The following TMCC3 variants were observed in gnomAD, a reference collection of about 807,000 sequenced individuals.
TMCC3 encodes transmembrane and coiled-coil domain family 3, also known as transmembrane and coiled-coil domain protein 3.
In TMCC3, 28 loss-of-function variants were observed where a neutral mutation model predicts 40.2. The observed-to-expected ratio is 0.70, with a 90% CI of 0.52 to 0.95. The LOEUF (loss-of-function observed/expected upper bound fraction) is 0.95, where lower values mean the gene tolerates loss of function less well. Ranked by LOEUF, TMCC3 falls within the 40% of genes least tolerant of loss-of-function variation. TMCC3 has a pLI of 0.00. For missense variants in TMCC3, 554 were observed against 615.2 expected (o/e 0.90, Z 1.05); for synonymous variants, 255 against 248.5 (o/e 1.03, Z -0.25).
intron 1 of TMCC3, among the ~76,000 whole-genome samples, chr12:94,586,920 T>C (rs1405206646): frequency 6.6e-6 from 1 of 152,230 alleles, no homozygotes; most frequent in Non-Finnish European, 1.5e-5. Context: ...CAGTTAAAAA[T>C]GTTTGATGAG....
In TMCC3 at chr12:94,611,559, T is replaced by C. The variant is rs34329105; in HGVS notation, c.79-29021A>G. Among the ~76,000 whole-genome samples, 49 of 152,266 alleles carry C rather than the reference T, an allele frequency of 3.2e-4. 1 individual carries two copies. The highest frequency in any genetic ancestry group is 5.9e-4 in the Non-Finnish European group (40 of 68,004). On this transcript the variant is annotated intron_variant, in intron 1 of 3. Coordinates refer to ENST00000261226, the MANE Select transcript of TMCC3 (RefSeq NM_020698.4). ...GTGTATGATAGGCGTATATATACAG[T>C]TGTCCCTTGGAATCCATGGGGGATT...
At chr12:94,605,162 C>T (rs1389491868) in intron 1 of TMCC3, among the ~76,000 whole-genome samples, 3 of 152,152 alleles carry the variant, frequency 2.0e-5, no homozygotes, top group African/African-American at 7.2e-5. Flanking sequence ...GCAAACCATG[C>T]TAGGCTAGAC....
rs1491110449 is a variant in TMCC3 at position 94,599,566 on chromosome 12, CCG to C, written c.79-17030_79-17029del. Among the ~76,000 whole-genome samples the C allele has an allele frequency of 4.3e-3, 622 of 144,274 alleles. 12 individuals carry two copies. Among genetic ancestry groups the C allele is most frequent in the African/African-American group, 0.015 (594 of 39,296 alleles). The allele number at this position is 144,274 out of a possible 152,430, so 94.6% of individuals were successfully genotyped here. A position where few individuals can be genotyped will look rare whatever the true frequency, so the allele number is the denominator to read the frequency against. ...TAATTTTTAAAAGATACCCCCCCCC[CCG>C]CCCACACACACACACAAGCCTAAGA... On this transcript the variant is annotated intron_variant, in intron 1 of 3. Coordinates refer to ENST00000261226, the MANE Select transcript of TMCC3 (RefSeq NM_020698.4).
chr12:94,615,910 T>C, intron 1 of TMCC3: 1 of 985,266 alleles, frequency 1.0e-6, no homozygotes, highest in East Asian at 1.1e-4. Flanking sequence ...GGAAGAGTTG[T>C]GAAGAGACTT....
At chr12:94,585,143 C>T (rs894285592) in intron 1 of TMCC3, among the ~76,000 whole-genome samples, 4 of 152,132 alleles carry the variant, frequency 2.6e-5, no homozygotes, top group Non-Finnish European at 4.4e-5. Context: ...CTTCCTTTGG[C>T]TTCCTAATGG....
chr12:94,592,515 G>A (rs924228641), intron 1 of TMCC3, among the ~76,000 whole-genome samples: 3 of 150,686 alleles, frequency 2.0e-5, no homozygotes, highest in Non-Finnish European at 4.4e-5. Context: ...GTGGTGGCAG[G>A]TGCCTGTAAT....
Position 94,581,635 on chromosome 12 carries a change from C to T in TMCC3, c.982G>A (p.Glu328Lys). Residue 328 changes from glutamate (E) to lysine (K), a missense_variant, in exon 2 of 4, where the codon GAG becomes AAG. Physicochemically the swap from Glu to Lys is moderately conservative, Grantham distance 56. Coordinates refer to ENST00000261226, the MANE Select transcript of TMCC3 (RefSeq NM_020698.4). ...EYGFISQTLQ[E>K]ERYRYERLED... is the part of the protein sequence containing the mutation. ...ACTTTGAAATACCTGTATCTTTCCT[C>T]TTGCAGGGTCTGAGAAATAAAACCA... 1.3e-6 allele frequency: 2 copies of T among 1,558,464 alleles called. No individual in the cohort carries two copies. The highest frequency in any genetic ancestry group is 1.7e-6 in the Non-Finnish European group (2 of 1,146,102).
At chr12:94,629,300 C>G (rs1194288465) in intron 1 of TMCC3, among the ~76,000 whole-genome samples, 2 of 152,154 alleles carry the variant, frequency 1.3e-5, no homozygotes, top group African/African-American at 2.4e-5. Flanking sequence ...GAAGGCTTAA[C>G]AGCCAACACC....
At position 94,569,962 on chromosome 12, in the gene TMCC3, A is replaced by ATCCTTTAAATCCATC. The variant is rs2068517170; in HGVS notation, c.*1472_*1473insGATGGATTTAAAGGA. The ATCCTTTAAATCCATC allele has an allele frequency of 1.3e-5, 2 of 152,214 alleles. No homozygotes were observed. Among genetic ancestry groups the ATCCTTTAAATCCATC allele is most frequent in the African/African-American group, 4.8e-5 (2 of 41,442 alleles). 9.4% of individuals were successfully genotyped at this position (152,214 alleles called of 1,614,324 possible). On this transcript the variant is annotated 3_prime_UTR_variant, in exon 4 of 4. Coordinates refer to ENST00000261226, the MANE Select transcript of TMCC3 (RefSeq NM_020698.4). Reference sequence around the variant, plus strand: ...CTTCCTCTTTGTTATACACACAGAGACACAGATTTAAAGGAAAGTATCATC... The same window carrying ATCCTTTAAATCCATC: ...CTTCCTCTTTGTTATACACACAGAGATCCTTTAAATCCATCCACAGATTTAAAGGAAAGTATCATC...
intron 1 of TMCC3, among the ~76,000 whole-genome samples, chr12:94,624,864 G>T (rs1001152400): frequency 2.0e-5 from 3 of 152,086 alleles, no homozygotes; most frequent in South Asian, 2.1e-4. Context: ...AAATGGGCCA[G>T]GTGCGGTGGC....
chr12:94,640,467 A>G lies in TMCC3; in HGVS notation c.78+9886T>C, dbSNP rs1047610114. On this transcript the variant is annotated intron_variant, in intron 1 of 3. Coordinates refer to ENST00000261226, the MANE Select transcript of TMCC3 (RefSeq NM_020698.4). Reference sequence around the variant, plus strand: ...CCACAGTGCTGGGAATACAGGCGTGAGCCACCACACCCAGTGCTAATCTAC... The same window carrying G: ...CCACAGTGCTGGGAATACAGGCGTGGGCCACCACACCCAGTGCTAATCTAC... 3.3e-5 allele frequency among the ~76,000 whole-genome samples: 5 copies of G among 152,360 alleles called. No individual in the cohort carries two copies. The South Asian group carries it at 1.0e-3, about 32-fold the overall frequency.
chr12:94,573,293 G>A (rs1406175558), intron 3 of TMCC3, among the ~76,000 whole-genome samples: 1 of 152,068 alleles, frequency 6.6e-6, no homozygotes, highest in African/African-American at 2.4e-5. Context: ...TCTCCACCCG[G>A]TCAGCACCCC....
rs143661864 is a variant in TMCC3, at chr12:94,615,672, C to T, written c.79-33134G>A. ...TTGTCCATCTGTTAAATCACTCACA[C>T]TGGACTGACATTTTTAAAAGGACAT... On this transcript the variant is annotated intron_variant, in intron 1 of 3. Coordinates refer to ENST00000261226, the MANE Select transcript of TMCC3 (RefSeq NM_020698.4). Among the ~76,000 whole-genome samples the T allele has an allele frequency of 3.2e-4, 48 of 152,350 alleles. No individual in the cohort carries two copies. The East Asian group carries it at 6.2e-3, about 20-fold the overall frequency.
In TMCC3 at chr12:94,571,442, G is replaced by C; in HGVS notation, c.1427C>G (p.Pro476Arg). 1 of 1,610,634 alleles carries C rather than the reference G, an allele frequency of 6.2e-7. No homozygotes were observed. The highest frequency in any genetic ancestry group is 8.5e-7 in the Non-Finnish European group (1 of 1,177,022). The stretch of plus-strand genomic sequence containing the variant: ...AGGCAGGAACCAGTGGCTTCATCTT[G>C]GTATTATCATCCTTTCTATGGCACA... ...ILCAIERMIIPR is the reference protein window; with the variant it reads ...ILCAIERMIIRR The change falls in exon 4 of 4, where the codon CCA becomes CGA. Residue 476 changes from proline (P) to arginine (R), a missense_variant. Physicochemically the swap from Pro to Arg is moderately radical, Grantham distance 103 (BLOSUM62 -2). Transcript: ENST00000261226.
At chr12:94,634,837 CT>C (rs1434455303) in intron 1 of TMCC3, among the ~76,000 whole-genome samples, 1 of 152,216 alleles carries the variant, frequency 6.6e-6, no homozygotes, top group Non-Finnish European at 1.5e-5. Context: ...CTTTGGCTGG[CT>C]TTATGCAACA....
chr12:94,625,432 A>G (rs953704161), intron 1 of TMCC3, among the ~76,000 whole-genome samples: 4 of 151,970 alleles, frequency 2.6e-5, no homozygotes, highest in South Asian at 4.2e-4. Context: ...TATCTCTACT[A>G]AAAATACAAA....
chr12:94,643,300 G>A (rs1762685657), intron 1 of TMCC3, among the ~76,000 whole-genome samples: 1 of 152,194 alleles, frequency 6.6e-6, no homozygotes, highest in South Asian at 2.1e-4. Context: ...AGAAGGCATG[G>A]TTTAATATTA....
At chr12:94,648,521 G>C (rs2069033740) in intron 1 of TMCC3, among the ~76,000 whole-genome samples, 1 of 152,090 alleles carries the variant, frequency 6.6e-6, no homozygotes, top group Non-Finnish European at 1.5e-5. Flanking sequence ...CACCGCCCCC[G>C]GCCCGTCAGC....
chr12:94,567,443 T>G lies in TMCC3; in HGVS notation c.*3992A>C, dbSNP rs183076707. 5 of 152,350 alleles carry G rather than the reference T, an allele frequency of 3.3e-5. No homozygotes were observed. The East Asian group carries it at 9.6e-4, about 29-fold the overall frequency. 9.4% of individuals were successfully genotyped at this position (152,350 alleles called of 1,614,324 possible). A position where few individuals can be genotyped will look rare whatever the true frequency, so the allele number is the denominator to read the frequency against. The stretch of plus-strand genomic sequence containing the variant: ...CACAGTAGACATGCTTTAAATAAAT[T>G]AAAATTGCAACACATAAATCATTCC... On this transcript the variant is annotated 3_prime_UTR_variant, in exon 4 of 4. Transcript: ENST00000261226.
Sources: gnomAD v4.1 joint callset for allele counts (sites outside exome capture counted in the v4.1 genomes callset) on GRCh38, gnomAD v4.1.1 for gene constraint, MANE v1.5 for transcripts, NCBI Gene and HGNC (gene_info 2026-07-23, HGNC 2026-07-21) for gene names.